ITPR2: variants seen among roughly 807,000 people sequenced by gnomAD.
ITPR2 encodes the protein inositol 1,4,5-trisphosphate receptor type 2.
In ITPR2, 207 loss-of-function variants were observed where a neutral mutation model predicts 317.1. The observed-to-expected ratio is 0.65, with a 90% CI of 0.58 to 0.73. The LOEUF (loss-of-function observed/expected upper bound fraction) is 0.73. ITPR2 is among the 30% of genes least tolerant of loss of function. The probability of loss-of-function intolerance (pLI) is 0.00; values close to 1 mark genes in which losing one functional copy is unlikely to be tolerated. For missense variants in ITPR2, 2,613 were observed against 3,284.0 expected (o/e 0.80, Z 4.99); for synonymous variants, 1,156 against 1,149.1 (o/e 1.01, Z -0.12).
At chr12:26,433,745 G>A (rs1941279742) in intron 48 of ITPR2, among the ~76,000 whole-genome samples, 1 of 152,084 alleles carries the variant, frequency 6.6e-6, no homozygotes, top group African/African-American at 2.4e-5. Context: ...TTCTGAGTGG[G>A]TATCTATTTA....
intron 45 of ITPR2, among the ~76,000 whole-genome samples, chr12:26,461,946 C>T (rs1455317472): frequency 6.7e-6 from 1 of 148,278 alleles, no homozygotes; most frequent in Non-Finnish European, 1.5e-5. Flanking sequence ...CTTTCCGAAG[C>T]CTGACTTTTT....
chr12:26,605,628 G>C (rs1220841267), intron 26 of ITPR2, among the ~76,000 whole-genome samples: 2 of 152,136 alleles, frequency 1.3e-5, no homozygotes, highest in East Asian at 3.8e-4. Flanking sequence ...CAACTGTCTT[G>C]TTTTAAGAAA....
At chr12:26,579,635 A>C (rs1001959775) in intron 33 of ITPR2, among the ~76,000 whole-genome samples, 15 of 152,104 alleles carry the variant, frequency 9.9e-5, no homozygotes, top group Non-Finnish European at 1.6e-4. Context: ...AATTGATTAA[A>C]TTTTTAGTAT....
chr12:26,349,486 C>T (rs2136556211), intron 55 of ITPR2, among the ~76,000 whole-genome samples: 1 of 152,324 alleles, frequency 6.6e-6, no homozygotes, highest in South Asian at 2.1e-4. Context: ...TTTTGCAAAG[C>T]AACAAATCCC....
rs1031650350 is a variant in ITPR2 at position 26,503,735 on chromosome 12, T to C, written c.5074-8475A>G. 5.3e-5 allele frequency among the ~76,000 whole-genome samples: 8 copies of C among 152,336 alleles called. No homozygotes were observed. The South Asian group carries it at 6.2e-4, about 12-fold the overall frequency. The stretch of plus-strand genomic sequence containing the variant: ...GCTATTTAAGGATTAGGAAATTAAA[T>C]AGGAGAAGCTTTATGTTCTTGGCCC... On this transcript the variant is annotated intron_variant, in intron 37 of 56. Transcript: ENST00000381340.
chr12:26,443,376 C>T (rs764353158), intron 46 of ITPR2, among the ~76,000 whole-genome samples, 167 bp downstream of exon 46: 9 of 152,136 alleles, frequency 5.9e-5, no homozygotes, highest in African/African-American at 7.2e-5. Context: ...ATGTACACCT[C>T]AGTTTCCTAT....
At chr12:26,534,833 GT>G (rs1436194254) in intron 37 of ITPR2, among the ~76,000 whole-genome samples, 11 of 152,170 alleles carry the variant, frequency 7.2e-5, no homozygotes, top group African/African-American at 2.4e-4. Flanking sequence ...GTCACTTGCT[GT>G]ATTTTGCATC....
chr12:26,592,977 C>A (rs896297554), intron 32 of ITPR2, among the ~76,000 whole-genome samples: 5 of 152,172 alleles, frequency 3.3e-5, no homozygotes, highest in African/African-American at 1.2e-4. Flanking sequence ...TTGGATTCTC[C>A]CACTAACCCT....
At chr12:26,565,503 T>TAGAC (rs1944930859) in intron 34 of ITPR2, among the ~76,000 whole-genome samples, 1 of 143,334 alleles carries the variant, frequency 7.0e-6, no homozygotes, top group African/African-American at 2.5e-5. Context: ...GATAGATAGA[T>TAGAC]AGATAGATAG....
intron 2 of ITPR2, among the ~76,000 whole-genome samples, chr12:26,789,662 G>A (rs975148855): frequency 6.6e-6 from 1 of 152,046 alleles, no homozygotes; most frequent in Non-Finnish European, 1.5e-5. Flanking sequence ...TCTCATTTGA[G>A]GAAATTATCA....
chr12:26,776,665 T>C (rs890183673), intron 2 of ITPR2, among the ~76,000 whole-genome samples: 1 of 152,168 alleles, frequency 6.6e-6, no homozygotes, highest in Non-Finnish European at 1.5e-5. Flanking sequence ...AGAAGAAACA[T>C]CTTCCCCATC....
At chr12:26,605,126 A>AAAAAAATATATATATATATATATATAT (rs1555165395) in intron 26 of ITPR2, among the ~76,000 whole-genome samples, 32 of 136,310 alleles carry the variant, frequency 2.3e-4, no homozygotes, top group Middle Eastern at 4.0e-3. Context: ...AAAAAATAAA[A>AAAAAAATATATATATATATATATATAT]ATATATATAT....
At chr12:26,441,569 A>C (rs1418038129) in intron 46 of ITPR2, among the ~76,000 whole-genome samples, 1 of 152,194 alleles carries the variant, frequency 6.6e-6, no homozygotes, top group Admixed American at 6.6e-5. Flanking sequence ...GAAGGGAGGA[A>C]GGACTCTCTG....
At chr12:26,525,722 A>ACC (rs774189008) in intron 37 of ITPR2, among the ~76,000 whole-genome samples, 1 of 152,086 alleles carries the variant, frequency 6.6e-6, no homozygotes, top group Non-Finnish European at 1.5e-5. Context: ...TTTTTCACTT[A>ACC]CCCTTGTTCT....
chr12:26,705,417 CT>C (rs958597834), intron 9 of ITPR2, among the ~76,000 whole-genome samples: 4 of 152,110 alleles, frequency 2.6e-5, no homozygotes, highest in Non-Finnish European at 1.5e-5. Flanking sequence ...TTTCCAGGTG[CT>C]TCTGGCTTCT....
intron 2 of ITPR2, among the ~76,000 whole-genome samples, chr12:26,784,298 TCTC>T (rs373607102): frequency 5.0e-3 from 45 of 8,954 alleles, no homozygotes; most frequent in Non-Finnish European, 8.7e-3. Flanking sequence ...TCCCTCTCCC[TCTC>T]CCTCTCCCTC....
At chr12:26,661,539 G>T (rs1379491357) in intron 15 of ITPR2, among the ~76,000 whole-genome samples, 2 of 152,136 alleles carry the variant, frequency 1.3e-5, no homozygotes, top group Non-Finnish European at 2.9e-5. Context: ...AAGGGAAGGG[G>T]CCCCAAGTAC....
intron 39 of ITPR2, among the ~76,000 whole-genome samples, chr12:26,488,687 C>CA (rs1467702761): frequency 8.1e-6 from 1 of 123,738 alleles, no homozygotes; most frequent in Non-Finnish European, 2.0e-5. Context: ...CAGACCTCTA[C>CA]AATCCCATGA....
chr12:26,624,438 G>T, intron 23 of ITPR2, 82 bp from the exon 24 acceptor site: 1 of 975,334 alleles, frequency 1.0e-6, no homozygotes, highest in Non-Finnish European at 1.6e-6. Context: ...CAATTGATGT[G>T]AAAATATTTT....
Sources: allele counts gnomAD v4.1 joint callset (sites outside exome capture counted in the v4.1 genomes callset), GRCh38; gene constraint gnomAD v4.1.1; transcripts MANE v1.5; gene names NCBI Gene and HGNC (gene_info 2026-07-23, HGNC 2026-07-21).